The following RNF144B variants were observed in gnomAD, a reference collection of about 807,000 sequenced individuals.
RNF144B encodes ring finger protein 144B, also known as E3 ubiquitin-protein ligase RNF144B.
A neutral mutation model predicts 40.2 loss-of-function variants in RNF144B; 25 were observed. The ratio of observed to expected loss-of-function variants is 0.62; its 90% confidence interval spans 0.45 to 0.87. The LOEUF (loss-of-function observed/expected upper bound fraction) is 0.87. Among genes scored for constraint, RNF144B ranks in the 40% least tolerant of loss-of-function variants. The pLI is 0.00. For synonymous variants in RNF144B, 145 were observed against 136.3 expected, an observed-to-expected ratio of 1.06 and a Z score of -0.44; for missense variants, 365 against 373.7, an observed-to-expected ratio of 0.98 and a Z score of 0.19.
At chr6:18,461,594 T>G (rs1759456733) in intron 6 of RNF144B, among the ~76,000 whole-genome samples, 1 of 152,184 alleles carries the variant, frequency 6.6e-6, no homozygotes, top group East Asian at 1.9e-4. Flanking sequence ...TTCTGTCTCT[T>G]GTGCTGCTCT....
chr6:18,399,377 C>T (rs1405215518), intron 1 of RNF144B, 122 bp from the exon 2 acceptor site: 2 of 681,846 alleles, frequency 2.9e-6, no homozygotes, highest in African/African-American at 1.8e-5. Flanking sequence ...CCCAGAAATG[C>T]ATTAGCTGTA....
Position 18,461,867 on chromosome 6 carries a change from A to G in RNF144B, c.682-1424A>G, listed in dbSNP as rs150923503. Among the ~76,000 whole-genome samples, 299 of 152,282 alleles carry G rather than the reference A, an allele frequency of 2.0e-3. 2 individuals carry two copies. Among genetic ancestry groups the G allele is most frequent in the African/African-American group, 6.4e-3 (268 of 41,552 alleles). ...TCTAAAATCCAGGCCTGAGACGGAC[A>G]CCAAACAGGAATTTTGAGTGTTGTT... On this transcript the variant is annotated intron_variant, in intron 6 of 7. Coordinates refer to ENST00000259939, the MANE Select transcript of RNF144B (RefSeq NM_182757.4).
At position 18,406,007 on chromosome 6, in the gene RNF144B, T is replaced by A; in HGVS notation, c.165+6308T>A. The A allele has an allele frequency of 3.9e-6, 2 of 516,706 alleles. No homozygotes were observed. Among genetic ancestry groups the A allele is most frequent in the Non-Finnish European group, 7.7e-6 (2 of 258,482 alleles). The allele number at this position is 516,706 out of a possible 1,614,324, so 32.0% of individuals were successfully genotyped here. A position where few individuals can be genotyped will look rare whatever the true frequency, so the allele number is the denominator to read the frequency against. On this transcript the variant is annotated intron_variant, in intron 2 of 7. Coordinates refer to ENST00000259939, the MANE Select transcript of RNF144B (RefSeq NM_182757.4). This position sits in a 1 kb window ranked among gnomAD's most constrained non-coding sequence, Gnocchi z 4.2. ...GTCATTTTCTGGGATGCCAGTATGG[T>A]TTGGCATTTAAGAGAATGGGTCTCA...
intron 6 of RNF144B, among the ~76,000 whole-genome samples, chr6:18,462,271 C>T (rs1295406684): frequency 6.6e-6 from 1 of 152,180 alleles, no homozygotes; most frequent in East Asian, 1.9e-4. Context: ...GACTGTACCT[C>T]TTTCCCAGAT....
rs1582408979 is a variant in RNF144B, at chr6:18,410,962, CTTTCTTTTCTTTTTTTTTCTTCT to C, written c.165+11282_165+11304del. ...TCCTATCCATTTGGGATACTGTCAG[CTTTCTTTTCTTTTTTTTTCTTCT>C]TTTCTTTTCTTTTTTTTTGAGACGG... On this transcript the variant is annotated intron_variant, in intron 2 of 7. Coordinates refer to ENST00000259939, the MANE Select transcript of RNF144B (RefSeq NM_182757.4). This position sits in a 1 kb window ranked among gnomAD's most constrained non-coding sequence, Gnocchi z 4.6. Among the ~76,000 whole-genome samples the C allele has an allele frequency of 6.6e-6, 1 of 150,442 alleles. No homozygotes were observed. Among genetic ancestry groups the C allele is most frequent in the African/African-American group, 2.4e-5 (1 of 40,902 alleles).
Position 18,459,809 on chromosome 6 carries a change from T to C in RNF144B, c.681+58T>C. The C allele has an allele frequency of 6.9e-7, 1 of 1,452,278 alleles. No homozygotes were observed. The highest frequency in any genetic ancestry group is 9.4e-7 in the Non-Finnish European group (1 of 1,065,186). 90.0% of individuals were successfully genotyped at this position (1,452,278 alleles called of 1,614,324 possible). ...TCCTATACTGTATCTGCACCACAGC[T>C]GATATCCTACAGATTTTCCTTTAAA... is the stretch of plus-strand genomic sequence containing the variant. On this transcript the variant is annotated intron_variant, in intron 6 of 7. Coordinates refer to ENST00000259939, the MANE Select transcript of RNF144B (RefSeq NM_182757.4). This position sits in a 1 kb window ranked among gnomAD's most constrained non-coding sequence, Gnocchi z 4.2.
rs937072659 is a variant in RNF144B, at chr6:18,459,075, A to T, written c.537-532A>T. Among the ~76,000 whole-genome samples the T allele has an allele frequency of 6.7e-6, 1 of 149,876 alleles. No homozygotes were observed. Among genetic ancestry groups the T allele is most frequent in the Non-Finnish European group, 1.5e-5 (1 of 67,306 alleles). ...TGATGGGCAGTAGCTAAAGTGTTAC[A>T]TGGTGCTATCGCTCACTCCAATTCC... On this transcript the variant is annotated intron_variant, in intron 5 of 7. Transcript: ENST00000259939. The surrounding 1 kb of genome is among the most constrained non-coding windows in gnomAD (Gnocchi z 4.2).
At chr6:18,389,008 A>T (rs1255210256) in intron 1 of RNF144B, among the ~76,000 whole-genome samples, 1 of 151,744 alleles carries the variant, frequency 6.6e-6, no homozygotes, top group Admixed American at 6.6e-5. Flanking sequence ...AACCAAAAAA[A>T]CCCCCCAAAA....
intron 1 of RNF144B, among the ~76,000 whole-genome samples, chr6:18,393,647 G>A (rs79506094): frequency 0.011 from 1,626 of 152,298 alleles, 33 homozygotes; most frequent in African/African-American, 0.037. Flanking sequence ...TGTGTTCTTA[G>A]CTGATATGGG....
rs1334782586 is a variant in RNF144B at position 18,442,350 on chromosome 6, T to A, written c.331+2606T>A. On this transcript the variant is annotated intron_variant, in intron 4 of 7. Transcript: ENST00000259939. The surrounding 1 kb of genome is among the most constrained non-coding windows in gnomAD (Gnocchi z 4.3). ...GAAATAGTTTTATTCATACATGGAA[T>A]TTATTTTTTTCTCACGAGTTCTGGG... is the stretch of plus-strand genomic sequence containing the variant. 6.6e-6 allele frequency among the ~76,000 whole-genome samples: 1 copy of A among 152,208 alleles called. No homozygotes were observed. The highest frequency in any genetic ancestry group is 1.5e-5 in the Non-Finnish European group (1 of 68,034).
intron 3 of RNF144B, among the ~76,000 whole-genome samples, chr6:18,428,198 C>G (rs147573583): frequency 2.6e-5 from 4 of 152,128 alleles, no homozygotes; most frequent in African/African-American, 7.2e-5. Flanking sequence ...TGTTTGCTTT[C>G]TCTTCTACCA....
At position 18,397,698 on chromosome 6, in the gene RNF144B, T is replaced by G. The variant is rs144954721; in HGVS notation, c.-36-1801T>G. Among the ~76,000 whole-genome samples, 1,275 of 152,212 alleles carry G rather than the reference T, an allele frequency of 8.4e-3. 15 individuals are homozygous for G. Among genetic ancestry groups the G allele is most frequent in the Admixed American group, 0.039 (589 of 15,284 alleles). ...GGGACCTTAAGGATAGCTGTAGTCA[T>G]GGACTTCAACTCTCTTTTCCTCTTT... On this transcript the variant is annotated intron_variant, in intron 1 of 7. Transcript: ENST00000259939.
intron 3 of RNF144B, 71 bp downstream of exon 3, chr6:18,427,756 T>TCATA: frequency 9.7e-7 from 1 of 1,025,660 alleles, no homozygotes; most frequent in African/African-American, 1.6e-5. Flanking sequence ...AGTCTTTATG[T>TCATA]ATTTCCCTAC....
chr6:18,391,403 G>A (rs1443875127), intron 1 of RNF144B, among the ~76,000 whole-genome samples: 1 of 152,166 alleles, frequency 6.6e-6, no homozygotes, highest in South Asian at 2.1e-4. Flanking sequence ...TAGCTACCAT[G>A]ATGAATGCAA....
chr6:18,400,142 G>A lies in RNF144B; in HGVS notation c.165+443G>A, dbSNP rs1412619266. On this transcript the variant is annotated intron_variant, in intron 2 of 7. Transcript: ENST00000259939. This position sits in a 1 kb window ranked among gnomAD's most constrained non-coding sequence, Gnocchi z 5.6. ...AAAGAAATTAGCTGGGCTTGGTGGC[G>A]GGCGCCTGTAGTCCCAGCTACTCGG... Among the ~76,000 whole-genome samples, 1 of 151,868 alleles carries A rather than the reference G, an allele frequency of 6.6e-6. No individual in the cohort carries two copies. Among genetic ancestry groups the A allele is most frequent in the Admixed American group, 6.6e-5 (1 of 15,238 alleles).
At chr6:18,429,569 T>C (rs942621873) in intron 3 of RNF144B, among the ~76,000 whole-genome samples, 1 of 149,210 alleles carries the variant, frequency 6.7e-6, no homozygotes, top group African/African-American at 2.4e-5. Context: ...ATAACTTTTT[T>C]GGTAAAAAGG....
In RNF144B at chr6:18,409,406, C is replaced by T. The variant is rs1163806229; in HGVS notation, c.165+9707C>T. Reference sequence around the variant, plus strand: ...AAAAAAAAAAAAAAAAAAAAAAACCCTGGAAAACTCTTCTTTTTCTGGGTA... The same window carrying T: ...AAAAAAAAAAAAAAAAAAAAAAACCTTGGAAAACTCTTCTTTTTCTGGGTA... On this transcript the variant is annotated intron_variant, in intron 2 of 7. Coordinates refer to ENST00000259939, the MANE Select transcript of RNF144B (RefSeq NM_182757.4). 2.2e-5 allele frequency among the ~76,000 whole-genome samples: 3 copies of T among 134,570 alleles called. No individual in the cohort carries two copies. In the East Asian group the frequency reaches 7.4e-4, roughly 33 times the overall value. 88.3% of individuals were successfully genotyped at this position (134,570 alleles called of 152,430 possible).
At chr6:18,439,295 C>G (rs1362003108) in intron 3 of RNF144B, among the ~76,000 whole-genome samples, 1 of 152,006 alleles carries the variant, frequency 6.6e-6, no homozygotes, top group Non-Finnish European at 1.5e-5. Context: ...TTCAGGATTC[C>G]AAAGCTAGAA....
rs1759390053 is a variant in RNF144B, at chr6:18,458,798, A to T, written c.537-809A>T. On this transcript the variant is annotated intron_variant, in intron 5 of 7. Coordinates refer to ENST00000259939, the MANE Select transcript of RNF144B (RefSeq NM_182757.4). This position sits in a 1 kb window ranked among gnomAD's most constrained non-coding sequence, Gnocchi z 4.8. The stretch of plus-strand genomic sequence containing the variant: ...TCAGATTTTGAAATATTTTCATGAT[A>T]TGTTTATTGGTTAAGCATCCTTACT... Among the ~76,000 whole-genome samples the T allele has an allele frequency of 6.6e-6, 1 of 152,194 alleles. No homozygotes were observed. The highest frequency in any genetic ancestry group is 1.5e-5 in the Non-Finnish European group (1 of 68,042).
Sources: allele counts gnomAD v4.1 joint callset (sites outside exome capture counted in the v4.1 genomes callset), GRCh38; gene constraint gnomAD v4.1.1; non-coding constraint Gnocchi (gnomAD v3.1); transcripts MANE v1.5; gene names NCBI Gene and HGNC (gene_info 2026-07-23, HGNC 2026-07-21).